SORCS3: variants seen among roughly 807,000 people sequenced by gnomAD.
SORCS3 encodes VPS10 domain-containing receptor SorCS3.
SORCS3 carries 57 observed loss-of-function variants against 146.3 expected under a neutral mutation model. The ratio of observed to expected loss-of-function variants is 0.39; its 90% CI spans 0.31 to 0.49. The LOEUF (loss-of-function observed/expected upper bound fraction) is 0.49, where lower values mean the gene tolerates loss of function less well. SORCS3 is among the 20% of genes least tolerant of loss of function. SORCS3 has a pLI of 0.92. For missense variants in SORCS3, 1,341 were observed against 1,575.5 expected (o/e 0.85, Z 2.52); for synonymous variants, 653 against 618.5 (o/e 1.06, Z -0.83).
At chr10:105,078,346 G>T (rs1176390960) in intron 5 of SORCS3, among the ~76,000 whole-genome samples, 1 of 152,162 alleles carries the variant, frequency 6.6e-6, no homozygotes, top group South Asian at 2.1e-4. Context: ...GTCAGATCTA[G>T]AGCCTGTCTT....
At chr10:104,832,762 C>T (rs1431664124) in intron 1 of SORCS3, among the ~76,000 whole-genome samples, 1 of 151,768 alleles carries the variant, frequency 6.6e-6, no homozygotes, top group South Asian at 2.1e-4. Flanking sequence ...AACGAACGAA[C>T]AGGTGTTTTG....
intron 4 of SORCS3, among the ~76,000 whole-genome samples, chr10:105,034,850 C>T (rs769483776): frequency 5.3e-4 from 80 of 152,146 alleles, no homozygotes; most frequent in Admixed American, 3.7e-3. Context: ...CCCCCTTGTT[C>T]ATATAATTAA....
chr10:104,779,464 A>G (rs781732922), intron 1 of SORCS3, among the ~76,000 whole-genome samples: 5 of 152,232 alleles, frequency 3.3e-5, no homozygotes, highest in African/African-American at 4.8e-5. Flanking sequence ...AGCAAGGAAC[A>G]AATGAAAATA....
intron 4 of SORCS3, among the ~76,000 whole-genome samples, chr10:105,022,297 C>CT (rs55738895): frequency 0.027 from 3,528 of 130,008 alleles, 149 homozygotes; most frequent in African/African-American, 0.083. Context: ...TTTTTCTTTT[C>CT]TTTTTTTTTT....
At chr10:104,871,856 C>T (rs181516226) in intron 2 of SORCS3, among the ~76,000 whole-genome samples, 27 of 152,220 alleles carry the variant, frequency 1.8e-4, no homozygotes, top group Admixed American at 9.2e-4. Context: ...TTGTGAGATG[C>T]GCTTGCTTAG....
chr10:105,263,934 A>C lies in SORCS3; in HGVS notation c.*560A>C, dbSNP rs1431478847. Reference sequence around the variant, plus strand: ...ATAATTACAATGTAAATAGCTTTTTATTTCCTAAGAAATAATTTAATGTTT... The same window carrying C: ...ATAATTACAATGTAAATAGCTTTTTCTTTCCTAAGAAATAATTTAATGTTT... On this transcript the variant is annotated 3_prime_UTR_variant, in exon 27 of 27. Transcript: ENST00000369701. 6.5e-6 allele frequency: 1 copy of C among 152,726 alleles called. No individual in the cohort carries two copies. The highest frequency in any genetic ancestry group is 1.9e-4 in the East Asian group (1 of 5,194). 9.5% of individuals were successfully genotyped at this position (152,726 alleles called of 1,614,324 possible). A position where few individuals can be genotyped will look rare whatever the true frequency, so the allele number is the denominator to read the frequency against.
At chr10:104,694,686 T>C (rs1315247780) in intron 1 of SORCS3, among the ~76,000 whole-genome samples, 1 of 152,172 alleles carries the variant, frequency 6.6e-6, no homozygotes, top group Non-Finnish European at 1.5e-5. Context: ...GCCTCTGTTA[T>C]GGCTGCAGTA....
At chr10:104,917,988 T>C (rs1046465334) in intron 3 of SORCS3, among the ~76,000 whole-genome samples, 1 of 152,226 alleles carries the variant, frequency 6.6e-6, no homozygotes, top group African/African-American at 2.4e-5. Flanking sequence ...TTTCTTTGGA[T>C]ATATACCCAG....
chr10:105,178,016 G>A lies in SORCS3; in HGVS notation c.1902-50G>A, dbSNP rs2056418450. The stretch of plus-strand genomic sequence containing the variant: ...TAACCTGAAAAACGGTTACAGAAGA[G>A]TGTGGCTTTATTTTCAGCTGTCTTT... On this transcript the variant is annotated intron_variant, in intron 13 of 26. Transcript: ENST00000369701. 7 of 1,377,034 alleles carry A rather than the reference G, an allele frequency of 5.1e-6. No individual in the cohort carries two copies. In the East Asian group the frequency reaches 1.6e-4, roughly 32 times the overall value. The allele number at this position is 1,377,034 out of a possible 1,614,324, so 85.3% of individuals were successfully genotyped here. A position where few individuals can be genotyped will look rare whatever the true frequency, so the allele number is the denominator to read the frequency against.
At chr10:104,763,706 A>T (rs2017146992) in intron 1 of SORCS3, among the ~76,000 whole-genome samples, 1 of 152,060 alleles carries the variant, frequency 6.6e-6, no homozygotes, top group African/African-American at 2.4e-5. Context: ...TTATTAATTG[A>T]TATTGTTTGG....
intron 2 of SORCS3, among the ~76,000 whole-genome samples, chr10:104,893,644 TG>T (rs1171051531): frequency 2.0e-5 from 3 of 152,346 alleles, no homozygotes; most frequent in African/African-American, 7.2e-5. Flanking sequence ...ACTGGTCCTT[TG>T]TAGAGTCTGT....
intron 2 of SORCS3, among the ~76,000 whole-genome samples, chr10:104,854,559 C>A (rs1426025860): frequency 6.6e-6 from 1 of 152,110 alleles, no homozygotes; most frequent in Non-Finnish European, 1.5e-5. Flanking sequence ...TATACAGATA[C>A]TCTAAGGTTT....
chr10:105,257,094 G>A (rs1589714203), intron 25 of SORCS3, among the ~76,000 whole-genome samples, 170 bp downstream of exon 25: 1 of 152,078 alleles, frequency 6.6e-6, no homozygotes, highest in South Asian at 2.1e-4. Flanking sequence ...GGATTAAATG[G>A]GTTTGAGACT....
intron 1 of SORCS3, among the ~76,000 whole-genome samples, chr10:104,772,475 C>T (rs2017263216): frequency 6.6e-6 from 1 of 152,228 alleles, no homozygotes; most frequent in Non-Finnish European, 1.5e-5. Context: ...AAATCTCTGT[C>T]ATTTTCTTGT....
At chr10:104,948,685 C>G (rs760334111) in intron 3 of SORCS3, among the ~76,000 whole-genome samples, 1 of 152,190 alleles carries the variant, frequency 6.6e-6, no homozygotes, top group South Asian at 2.1e-4. Flanking sequence ...AGGGAAGGAA[C>G]CTCTGCAAGA....
chr10:105,128,462 C>T (rs1449002476), intron 7 of SORCS3, among the ~76,000 whole-genome samples: 1 of 152,088 alleles, frequency 6.6e-6, no homozygotes, highest in African/African-American at 2.4e-5. Flanking sequence ...AAGAAGCGTC[C>T]CTAATTCTCT....
chr10:104,937,428 T>A (rs1484170815), intron 3 of SORCS3, among the ~76,000 whole-genome samples: 3 of 152,238 alleles, frequency 2.0e-5, no homozygotes, highest in African/African-American at 7.2e-5. Flanking sequence ...ATGCCAAATA[T>A]ATAAATTCAT....
At chr10:104,875,383 A>G (rs1463417175) in intron 2 of SORCS3, among the ~76,000 whole-genome samples, 2 of 152,194 alleles carry the variant, frequency 1.3e-5, no homozygotes, top group East Asian at 1.9e-4. Flanking sequence ...TTAAATAGCT[A>G]TGTGACCATG....
chr10:104,688,108 A>G (rs1266095748), intron 1 of SORCS3, among the ~76,000 whole-genome samples: 1 of 152,232 alleles, frequency 6.6e-6, no homozygotes, highest in African/African-American at 2.4e-5. Context: ...TTCAAATTTA[A>G]CTGGGTCTCC....
Sources: gnomAD v4.1 joint callset for allele counts (sites outside exome capture counted in the v4.1 genomes callset) on GRCh38, gnomAD v4.1.1 for gene constraint, MANE v1.5 for transcripts, NCBI Gene and HGNC (gene_info 2026-07-23, HGNC 2026-07-21) for gene names.